Variants in CCDC91 observed in about 807,000 individuals in gnomAD.
CCDC91 encodes the protein coiled-coil domain-containing protein 91.
CCDC91 carries 48 observed loss-of-function variants against 63.2 expected under a neutral mutation model. The observed-to-expected ratio is 0.76, with a 90% confidence interval of 0.60 to 0.97. CCDC91 has a LOEUF of 0.97. CCDC91 is among the 50% of genes least tolerant of loss of function. The probability of loss-of-function intolerance (pLI) is 0.00; values close to 1 mark genes in which losing one functional copy is unlikely to be tolerated. For synonymous variants in CCDC91, 167 were observed against 165.8 expected, an observed-to-expected ratio of 1.01 and a Z score of -0.06; for missense variants, 500 against 494.6, an observed-to-expected ratio of 1.01 and a Z score of -0.10.
rs13377961 is a variant in CCDC91, at chr12:28,468,289, A to G, written c.1101+15635A>G. Among the ~76,000 whole-genome samples the G allele has an allele frequency of 4.3e-3, 654 of 151,752 alleles. 5 individuals carry two copies. Among genetic ancestry groups the G allele is most frequent in the African/African-American group, 0.015 (631 of 41,486 alleles). On this transcript the variant is annotated intron_variant, in intron 11 of 12. Transcript: ENST00000536442. Reference sequence around the variant, plus strand: ...ATCTAGTATCTATACTACATCTAGTATCTCCTACTGGCTACTAGGAGCAAC... The same window carrying G: ...ATCTAGTATCTATACTACATCTAGTGTCTCCTACTGGCTACTAGGAGCAAC...
chr12:28,287,794 G>A (rs1239596939), intron 3 of CCDC91, among the ~76,000 whole-genome samples: 1 of 152,180 alleles, frequency 6.6e-6, no homozygotes, highest in Non-Finnish European at 1.5e-5. Flanking sequence ...GCTTTGGGCA[G>A]TATGGCCATT....
intron 8 of CCDC91, among the ~76,000 whole-genome samples, chr12:28,428,573 C>CAAAAAAA (rs1438921507): frequency 2.5e-4 from 16 of 65,248 alleles, no homozygotes; most frequent in African/African-American, 8.4e-4. Context: ...CCGTCTCTCC[C>CAAAAAAA]CAAAAAAAAA....
chr12:28,432,037 T>TTTC (rs200917826), intron 8 of CCDC91, among the ~76,000 whole-genome samples: 1,975 of 152,122 alleles, frequency 0.013, 13 homozygotes, highest in Middle Eastern at 0.017. Flanking sequence ...GCGTTTAGGT[T>TTTC]TTCTCTGTGG....
chr12:28,548,874 C>T (rs1279104536), intron 12 of CCDC91, among the ~76,000 whole-genome samples, 189 bp from the exon 13 acceptor site: 1 of 152,122 alleles, frequency 6.6e-6, no homozygotes, highest in Non-Finnish European at 1.5e-5. Context: ...TAATGATTAT[C>T]ATCTCATCTT....
chr12:28,248,398 A>G (rs1466160102), intron 1 of CCDC91, among the ~76,000 whole-genome samples: 1 of 152,178 alleles, frequency 6.6e-6, no homozygotes, highest in Non-Finnish European at 1.5e-5. Flanking sequence ...GAATCCAAAG[A>G]TGTGAATGAG....
chr12:28,408,636 TA>T (rs980823774), intron 8 of CCDC91, among the ~76,000 whole-genome samples: 2 of 151,990 alleles, frequency 1.3e-5, no homozygotes, highest in Admixed American at 6.6e-5. Context: ...TTTGATGGTT[TA>T]TTTTTTTATT....
intron 8 of CCDC91, among the ~76,000 whole-genome samples, chr12:28,444,860 T>A (rs79259381): frequency 1.4e-5 from 2 of 142,212 alleles, no homozygotes; most frequent in African/African-American, 2.7e-5. Flanking sequence ...TTTTTTTTTT[T>A]AAAAGCAGTT....
At position 28,479,841 on chromosome 12, in the gene CCDC91, G is replaced by T. The variant is rs537662740; in HGVS notation, c.1102-4211G>T. Among the ~76,000 whole-genome samples the T allele has an allele frequency of 3.3e-5, 5 of 152,030 alleles. No individual in the cohort carries two copies. In the South Asian group the frequency reaches 1.0e-3, roughly 32 times the overall value. On this transcript the variant is annotated intron_variant, in intron 11 of 12. Coordinates refer to ENST00000536442, the MANE Select transcript of CCDC91 (RefSeq NM_018318.5). Reference sequence around the variant, plus strand: ...AGTTAGCAACTTTTGAAGATGTTGTGCTAATGAGCTAGCCTATTTACTTTT... The same window carrying T: ...AGTTAGCAACTTTTGAAGATGTTGTTCTAATGAGCTAGCCTATTTACTTTT...
chr12:28,229,378 TA>T (rs1944455388), intron 1 of CCDC91, among the ~76,000 whole-genome samples: 1 of 152,020 alleles, frequency 6.6e-6, no homozygotes, highest in Non-Finnish European at 1.5e-5. Flanking sequence ...GCAGAGAGCA[TA>T]AAAAAGAAGA....
In CCDC91 at chr12:28,256,982, A is replaced by G. The variant is rs1477809983; in HGVS notation, c.-14-220A>G. 5 of 444,398 alleles carry G rather than the reference A, an allele frequency of 1.1e-5. No individual in the cohort carries two copies. In the East Asian group the frequency reaches 1.5e-4, roughly 13 times the overall value. The allele number at this position is 444,398 out of a possible 1,614,324, so 27.5% of individuals were successfully genotyped here. A position where few individuals can be genotyped will look rare whatever the true frequency, so the allele number is the denominator to read the frequency against. On this transcript the variant is annotated intron_variant, in intron 1 of 12. Transcript: ENST00000536442. ...AATATTTTTCCACTCCTGGCATCTC[A>G]ACATAAAATGGCAAAATACATGGTT...
chr12:28,419,162 C>A (rs1322166984), intron 8 of CCDC91, among the ~76,000 whole-genome samples: 1 of 152,050 alleles, frequency 6.6e-6, no homozygotes, highest in Non-Finnish European at 1.5e-5. Flanking sequence ...AGCCTGCAAC[C>A]CAGTGTGGAA....
chr12:28,520,457 G>A (rs1006569343), intron 12 of CCDC91, among the ~76,000 whole-genome samples: 1 of 152,136 alleles, frequency 6.6e-6, no homozygotes, highest in Non-Finnish European at 1.5e-5. Flanking sequence ...GTTCTTTGTA[G>A]ATTCTGGATA....
intron 1 of CCDC91, among the ~76,000 whole-genome samples, chr12:28,244,494 CTTTTTTTTTTTTTTTTTTT>C (rs3064681): frequency 7.8e-5 from 3 of 38,426 alleles, no homozygotes; most frequent in African/African-American, 1.2e-4. Context: ...TAGAAGAAGG[CTTTTTTTTTTTTTTTTTTT>C]TTTTTTTTTT....
intron 3 of CCDC91, among the ~76,000 whole-genome samples, chr12:28,279,929 G>C (rs754241376): frequency 2.0e-5 from 3 of 151,834 alleles, no homozygotes; most frequent in Non-Finnish European, 4.4e-5. Context: ...AGTCGGGTGT[G>C]GTCTAAAATA....
chr12:28,377,852 G>T (rs1342550625), intron 7 of CCDC91, among the ~76,000 whole-genome samples: 1 of 151,900 alleles, frequency 6.6e-6, no homozygotes, highest in South Asian at 2.1e-4. Context: ...CTTTAATTCT[G>T]TGTATTATAT....
intron 11 of CCDC91, among the ~76,000 whole-genome samples, chr12:28,457,989 T>A (rs1950129435): frequency 6.6e-6 from 1 of 152,154 alleles, no homozygotes; most frequent in South Asian, 2.1e-4. Context: ...CATAATGGTT[T>A]ATAACCACAG....
chr12:28,342,673 A>C (rs1426452200), intron 6 of CCDC91, among the ~76,000 whole-genome samples: 1 of 152,192 alleles, frequency 6.6e-6, no homozygotes, highest in Non-Finnish European at 1.5e-5. Context: ...ACCCCTGAGT[A>C]GATGAGGGAA....
chr12:28,455,872 C>T (rs1950034347), intron 11 of CCDC91, among the ~76,000 whole-genome samples: 1 of 151,854 alleles, frequency 6.6e-6, no homozygotes, highest in Non-Finnish European at 1.5e-5. Flanking sequence ...ATTATTATCC[C>T]CATTGTTACA....
Position 28,259,367 on chromosome 12 carries a change from G to A in CCDC91, c.34G>A (p.Ala12Thr). Residue 12 changes from alanine to threonine, a missense_variant, in exon 3 of 13, where the codon GCG becomes ACG. Coordinates refer to ENST00000536442, the MANE Select transcript of CCDC91 (RefSeq NM_018318.5). ...DDDDFGGFEA[A>T]ETFDGGSGET... ...TAATCTTGCCTTTGTCTTGTAGGCTGCGGAGACTTTTGATGGTGGAAGTGG... is the reference window on the plus strand; with the variant it reads ...TAATCTTGCCTTTGTCTTGTAGGCTACGGAGACTTTTGATGGTGGAAGTGG... 1 of 1,610,696 alleles carries A rather than the reference G, an allele frequency of 6.2e-7. No individual in the cohort carries two copies. The highest frequency in any genetic ancestry group is 1.1e-5 in the South Asian group (1 of 90,918).
Sources: gnomAD v4.1 joint callset for allele counts (sites outside exome capture counted in the v4.1 genomes callset) on GRCh38, gnomAD v4.1.1 for gene constraint, MANE v1.5 for transcripts, NCBI Gene and HGNC (gene_info 2026-07-23, HGNC 2026-07-21) for gene names.